The following BBS9 variants were observed in gnomAD, a reference collection of about 807,000 sequenced individuals.
BBS9 encodes the protein Bardet-Biedl syndrome 9.
Under a neutral mutation model 117.7 loss-of-function variants are expected in BBS9, and 89 were observed. The observed-to-expected ratio is 0.76, with a 90% CI of 0.64 to 0.90. BBS9 has a LOEUF of 0.90. BBS9 is among the 40% of genes least tolerant of loss of function. The pLI is 0.00. For synonymous variants in BBS9, 379 were observed against 370.9 expected, an observed-to-expected ratio of 1.02 and a Z score of -0.25; for missense variants, 982 against 1,042.2, an observed-to-expected ratio of 0.94 and a Z score of 0.80.
In BBS9 at chr7:33,137,453, C is replaced by G. The variant is rs78129557; in HGVS notation, c.-12+7412C>G. ...GGGGCTCCTGCCTGTTCCCAGCCCCCACTGGCTCCGCAGAGTGGGCAGCCC... is the reference window on the plus strand; with the variant it reads ...GGGGCTCCTGCCTGTTCCCAGCCCCGACTGGCTCCGCAGAGTGGGCAGCCC... On this transcript the variant is annotated intron_variant, in intron 1 of 22. Coordinates refer to ENST00000242067, the MANE Select transcript of BBS9 (RefSeq NM_198428.3). 0.018 allele frequency among the ~76,000 whole-genome samples: 2,762 copies of G among 152,314 alleles called. 232 individuals are homozygous for G. The East Asian group carries it at 0.28, about 15-fold the overall frequency.
rs1846896995 is a variant in BBS9 at position 33,511,130 on chromosome 7, C to A, written c.2298+5485C>A. On this transcript the variant is annotated intron_variant, in intron 20 of 22. Transcript: ENST00000242067. Reference sequence around the variant, plus strand: ...CATGATTAATTTTTTTCTGTTGAGCCTGCACGTGGTCTCAGAATCCTTTTG... The same window carrying A: ...CATGATTAATTTTTTTCTGTTGAGCATGCACGTGGTCTCAGAATCCTTTTG... 2.0e-5 allele frequency among the ~76,000 whole-genome samples: 3 copies of A among 151,982 alleles called. No individual in the cohort carries two copies. The South Asian group carries it at 6.2e-4, about 32-fold the overall frequency.
At chr7:33,575,465 T>A (rs2598397) in intron 21 of BBS9, among the ~76,000 whole-genome samples, 54,396 of 151,958 alleles carry the variant, frequency 0.36, 14,139 homozygotes, top group African/African-American at 0.73. Context: ...TCACGGCCAA[T>A]TTCTACCAGA....
intron 20 of BBS9, among the ~76,000 whole-genome samples, chr7:33,533,292 C>T (rs1273572330): frequency 6.6e-6 from 1 of 152,230 alleles, no homozygotes; most frequent in Non-Finnish European, 1.5e-5. Context: ...CACTGCAGCG[C>T]AGCCACACTG....
chr7:33,265,267 G>C (rs1583970248), intron 7 of BBS9, among the ~76,000 whole-genome samples: 1 of 152,246 alleles, frequency 6.6e-6, no homozygotes, highest in South Asian at 2.1e-4. Context: ...GGATACAGAA[G>C]TTCAGGAGAT....
At chr7:33,354,026 A>G (rs1377126740) in intron 15 of BBS9, among the ~76,000 whole-genome samples, 1 of 152,150 alleles carries the variant, frequency 6.6e-6, no homozygotes, top group Non-Finnish European at 1.5e-5. Context: ...GTTTAAAAAA[A>G]TCAGTTAAGG....
chr7:33,243,540 TTAGAG>T (rs1562865535), intron 5 of BBS9, among the ~76,000 whole-genome samples: 1 of 152,192 alleles, frequency 6.6e-6, no homozygotes, highest in Non-Finnish European at 1.5e-5. Context: ...TCCAGAACTC[TTAGAG>T]TAGTGAGATT....
chr7:33,466,068 A>G (rs1173906485), intron 19 of BBS9, among the ~76,000 whole-genome samples: 1 of 151,446 alleles, frequency 6.6e-6, no homozygotes, highest in African/African-American at 2.4e-5. Flanking sequence ...AGAGAGAGAT[A>G]TATATATATA....
chr7:33,622,840 G>A (rs2034517), intron 21 of BBS9, among the ~76,000 whole-genome samples: 56,913 of 151,728 alleles, frequency 0.38, 14,475 homozygotes, highest in African/African-American at 0.73. Flanking sequence ...TTTTCAATAA[G>A]TGTTGCTGAA....
chr7:33,627,702 G>A (rs10486541), intron 21 of BBS9, among the ~76,000 whole-genome samples: 32,325 of 152,134 alleles, frequency 0.21, 4,208 homozygotes, highest in East Asian at 0.44. Flanking sequence ...CCACAAAGCC[G>A]ATAGTGATCA....
intron 9 of BBS9, among the ~76,000 whole-genome samples, chr7:33,301,901 A>G (rs1375582383): frequency 1.3e-5 from 2 of 152,172 alleles, no homozygotes; most frequent in African/African-American, 4.8e-5. Context: ...CCAACAATGT[A>G]TGAGGGTTCC....
chr7:33,200,339 C>T (rs892032281), intron 5 of BBS9, among the ~76,000 whole-genome samples: 11 of 152,074 alleles, frequency 7.2e-5, no homozygotes, highest in Admixed American at 6.6e-5. Context: ...AACCTCTATC[C>T]GCTCTACCTT....
chr7:33,218,709 C>T (rs1246948670), intron 5 of BBS9, among the ~76,000 whole-genome samples: 1 of 152,256 alleles, frequency 6.6e-6, no homozygotes, highest in Non-Finnish European at 1.5e-5. Context: ...AAGAAACCAA[C>T]ATCAGTTAAA....
intron 4 of BBS9, among the ~76,000 whole-genome samples, chr7:33,161,135 T>A (rs1034258311): frequency 6.6e-5 from 10 of 150,990 alleles, no homozygotes; most frequent in African/African-American, 2.2e-4. Context: ...CTTTTTTTTT[T>A]ATTATACTTT....
intron 19 of BBS9, among the ~76,000 whole-genome samples, chr7:33,415,807 C>T (rs913061066): frequency 1.3e-5 from 2 of 152,214 alleles, no homozygotes; most frequent in Admixed American, 6.5e-5. Context: ...ATTGGCTCAC[C>T]TAGTGGTTTT....
chr7:33,258,447 T>C (rs924833088), intron 6 of BBS9, among the ~76,000 whole-genome samples: 1 of 152,228 alleles, frequency 6.6e-6, no homozygotes, highest in African/African-American at 2.4e-5. Flanking sequence ...GTTAAAACTC[T>C]GAAAATAAGT....
At chr7:33,527,176 C>T (rs1299565204) in intron 20 of BBS9, among the ~76,000 whole-genome samples, 3 of 152,142 alleles carry the variant, frequency 2.0e-5, no homozygotes, top group Admixed American at 2.0e-4. Flanking sequence ...ACATTTAAGT[C>T]TGCAGAGGTT....
intron 19 of BBS9, among the ~76,000 whole-genome samples, chr7:33,409,696 A>G (rs576867157): frequency 6.6e-6 from 1 of 152,306 alleles, no homozygotes; most frequent in African/African-American, 2.4e-5. Flanking sequence ...TTTAAAAATT[A>G]TAGTCATTCT....
intron 6 of BBS9, among the ~76,000 whole-genome samples, chr7:33,258,013 G>A (rs1797367812): frequency 6.6e-6 from 1 of 152,124 alleles, no homozygotes; most frequent in South Asian, 2.1e-4. Context: ...TATTGGTCTT[G>A]GTAAATTGTG....
chr7:33,135,051 C>T (rs1300245725), intron 1 of BBS9, among the ~76,000 whole-genome samples: 1 of 152,146 alleles, frequency 6.6e-6, no homozygotes, highest in Non-Finnish European at 1.5e-5. Context: ...CACCACTGCA[C>T]CTGGCTAATT....
Sources: allele counts gnomAD v4.1 joint callset (sites outside exome capture counted in the v4.1 genomes callset), GRCh38; gene constraint gnomAD v4.1.1; transcripts MANE v1.5; gene names NCBI Gene and HGNC (gene_info 2026-07-23, HGNC 2026-07-21).